The following PCDHA9 variants were observed in gnomAD, a reference collection of about 807,000 sequenced individuals.
PCDHA9 encodes protocadherin alpha-9.
PCDHA9 carries 62 observed loss-of-function variants against 62.0 expected under a neutral mutation model. That is an observed-to-expected ratio of 1.00 (90% CI 0.81 to 1.23). The LOEUF is 1.23. Ranked by LOEUF, PCDHA9 falls within the 50% of genes most tolerant of loss-of-function variation. The probability of loss-of-function intolerance (pLI) is 0.00; values close to 1 mark genes in which losing one functional copy is unlikely to be tolerated. For missense variants in PCDHA9, 1,205 were observed against 1,249.8 expected (o/e 0.96, Z 0.54); for synonymous variants, 557 against 567.6 (o/e 0.98, Z 0.27).
chr5:140,975,579 A>G (rs1464978366), intron 1 of PCDHA9, among the ~76,000 whole-genome samples: 3 of 152,244 alleles, frequency 2.0e-5, no homozygotes, highest in Non-Finnish European at 4.4e-5. Context: ...ATGCAGTCTC[A>G]TGTCCCAGAG....
intron 1 of PCDHA9, chr5:140,871,292 C>G: frequency 1.2e-6 from 2 of 1,613,890 alleles, no homozygotes; most frequent in Non-Finnish European, 8.5e-7. Context: ...ACTGAGGGCG[C>G]GTGCGCGCCG....
In PCDHA9 at chr5:140,850,584, A is replaced by G. The variant is rs1484372356; in HGVS notation, c.2089A>G (p.Asn697Asp). Residue 697 changes from asparagine to aspartate, a missense_variant, in exon 1 of 4, where the codon AAC becomes GAC. Transcript: ENST00000532602. Reference sequence around the variant, plus strand: ...CCCCGAGGTGACGCTGGTGGATGTCAACGTGTACCTGATCATCGCCATCTG... The same window carrying G: ...CCCCGAGGTGACGCTGGTGGATGTCGACGTGTACCTGATCATCGCCATCTG... Reference protein sequence around the residue: ...TGPEVTLVDVNVYLIIAICAV... With the variant: ...TGPEVTLVDVDVYLIIAICAV... The G allele has an allele frequency of 2.5e-6, 4 of 1,598,362 alleles. 1 individual carries two copies. The highest frequency in any genetic ancestry group is 3.4e-6 in the Non-Finnish European group (4 of 1,167,826).
At chr5:140,918,412 A>G (rs1335591362) in intron 1 of PCDHA9, among the ~76,000 whole-genome samples, 5 of 152,252 alleles carry the variant, frequency 3.3e-5, no homozygotes, top group Middle Eastern at 3.4e-3. Context: ...TCTGGCCAGG[A>G]CTTCCAGTAG....
chr5:140,975,811 A>G (rs2096684538), intron 1 of PCDHA9, among the ~76,000 whole-genome samples: 3 of 134,728 alleles, frequency 2.2e-5, no homozygotes, highest in Non-Finnish European at 5.2e-5. Context: ...TATAATTTTA[A>G]TAGGAACTGA....
intron 1 of PCDHA9, chr5:140,864,182 TA>T: frequency 6.6e-6 from 1 of 152,352 alleles, no homozygotes; most frequent in East Asian, 1.9e-4. Context: ...TCATGATGAA[TA>T]ATGATCCTTA....
In PCDHA9 at chr5:140,857,385, A is replaced by T. The variant is rs1300471931; in HGVS notation, c.2394+6496A>T. On this transcript the variant is annotated intron_variant, in intron 1 of 3. Coordinates refer to ENST00000532602, the MANE Select transcript of PCDHA9 (RefSeq NM_031857.2). ...GCCAGCGTGTCTGTGGAGGTGGCCG[A>T]CGTGAACGACAACGCGCCTGCGTTC... The T allele has an allele frequency of 1.8e-5, 29 of 1,598,230 alleles. 2 individuals carry two copies. Among genetic ancestry groups the T allele is most frequent in the Non-Finnish European group, 2.3e-5 (27 of 1,167,886 alleles).
chr5:140,934,346 G>T (rs941608404), intron 1 of PCDHA9, among the ~76,000 whole-genome samples: 1 of 152,130 alleles, frequency 6.6e-6, no homozygotes, highest in South Asian at 2.1e-4. Flanking sequence ...CACCAGTACA[G>T]TGTGGAGCCA....
At chr5:140,886,201 T>C (rs1224274096) in intron 1 of PCDHA9, among the ~76,000 whole-genome samples, 2 of 152,140 alleles carry the variant, frequency 1.3e-5, no homozygotes, top group African/African-American at 2.4e-5. Flanking sequence ...AGTAATCTGT[T>C]CTCCATTTCT....
chr5:140,855,215 A>G (rs1201048316), intron 1 of PCDHA9, among the ~76,000 whole-genome samples: 8 of 150,030 alleles, frequency 5.3e-5, no homozygotes, highest in East Asian at 1.9e-4. Context: ...CCATTTATGA[A>G]GCACTCATTC....
At chr5:141,008,488 C>A (rs1300609417) in intron 3 of PCDHA9, among the ~76,000 whole-genome samples, 1 of 152,124 alleles carries the variant, frequency 6.6e-6, no homozygotes, top group Non-Finnish European at 1.5e-5. Flanking sequence ...CTAGAAGTCA[C>A]TGGTATACTT....
intron 1 of PCDHA9, among the ~76,000 whole-genome samples, chr5:140,890,240 A>C (rs1554184230): frequency 6.6e-6 from 1 of 152,138 alleles, no homozygotes; most frequent in African/African-American, 2.4e-5. Flanking sequence ...AGCATTTACC[A>C]GTACACTACT....
At chr5:140,985,974 C>T (rs562510809) in intron 3 of PCDHA9, among the ~76,000 whole-genome samples, 3 of 152,198 alleles carry the variant, frequency 2.0e-5, no homozygotes, top group Admixed American at 1.3e-4. Context: ...CTCCTGACCT[C>T]GTGATCCGCC....
rs577527606 is a variant in PCDHA9 at position 140,882,595 on chromosome 5, C to A, written c.2394+31706C>A. 3.7e-6 allele frequency: 6 copies of A among 1,614,204 alleles called. No individual in the cohort carries two copies. The African/African-American group carries it at 8.0e-5, about 22-fold the overall frequency. On this transcript the variant is annotated intron_variant, in intron 1 of 3. Coordinates refer to ENST00000532602, the MANE Select transcript of PCDHA9 (RefSeq NM_031857.2). ...AGTGCAGCATCCACCTGGAGGTGAT[C>A]GTGGACAGGCCTCTGCAGGTTTTCC...
chr5:140,896,748 A>T (rs1554187100), intron 1 of PCDHA9, among the ~76,000 whole-genome samples: 1 of 151,856 alleles, frequency 6.6e-6, no homozygotes, highest in African/African-American at 2.4e-5. Context: ...TAGATTCTGG[A>T]TATTAGACCT....
Position 140,896,583 on chromosome 5 carries a change from GC to G in PCDHA9, c.2394+45696del, listed in dbSNP as rs1194968470. The stretch of plus-strand genomic sequence containing the variant: ...GTAGAGATGGGGTTTTGACGTGTTG[GC>G]CAGGCTGGTCTCGAACTCCTGGTCT... On this transcript the variant is annotated intron_variant, in intron 1 of 3. Coordinates refer to ENST00000532602, the MANE Select transcript of PCDHA9 (RefSeq NM_031857.2). Among the ~76,000 whole-genome samples, 4 of 151,654 alleles carry G rather than the reference GC, an allele frequency of 2.6e-5. No individual in the cohort carries two copies. In the East Asian group the frequency reaches 7.8e-4, roughly 29 times the overall value.
At chr5:140,954,299 C>T (rs964431670) in intron 1 of PCDHA9, among the ~76,000 whole-genome samples, 2 of 152,166 alleles carry the variant, frequency 1.3e-5, no homozygotes, top group Non-Finnish European at 2.9e-5. Context: ...GGTACATACC[C>T]AGTAATGGGA....
At chr5:140,914,023 G>A (rs1434570010) in intron 1 of PCDHA9, among the ~76,000 whole-genome samples, 5 of 152,112 alleles carry the variant, frequency 3.3e-5, no homozygotes, top group African/African-American at 7.2e-5. Context: ...AATGATCCAC[G>A]TGCTGAGAAG....
chr5:140,992,857 CTCT>C (rs2097531206), intron 3 of PCDHA9, among the ~76,000 whole-genome samples: 2 of 152,148 alleles, frequency 1.3e-5, no homozygotes, highest in Non-Finnish European at 2.9e-5. Context: ...ACCAGTTTCA[CTCT>C]AGCTCCCTCC....
intron 3 of PCDHA9, among the ~76,000 whole-genome samples, chr5:140,994,021 G>A (rs1160447092): frequency 6.6e-6 from 1 of 152,140 alleles, no homozygotes; most frequent in Non-Finnish European, 1.5e-5. Context: ...AGGTGATGCA[G>A]ATATAATATT....
Sources: allele counts gnomAD v4.1 joint callset (sites outside exome capture counted in the v4.1 genomes callset), GRCh38; gene constraint gnomAD v4.1.1; transcripts MANE v1.5; gene names NCBI Gene and HGNC (gene_info 2026-07-23, HGNC 2026-07-21).